The following SOS2 variants were observed in gnomAD, a reference collection of about 807,000 sequenced individuals.
SOS2 encodes SOS Ras/Rho guanine nucleotide exchange factor 2.
In SOS2, 65 loss-of-function variants were observed where a neutral mutation model predicts 148.2. The observed-to-expected ratio is 0.44, with a 90% CI of 0.36 to 0.54. The LOEUF (loss-of-function observed/expected upper bound fraction) is 0.54, where lower values mean the gene tolerates loss of function less well. Among genes scored for constraint, SOS2 ranks in the 20% least tolerant of loss-of-function variants. The pLI, the probability that SOS2 is intolerant of heterozygous loss-of-function variation, is 0.00. For missense variants in SOS2, 1,341 were observed against 1,590.2 expected (o/e 0.84, Z 2.67); for synonymous variants, 539 against 537.1 (o/e 1.00, Z -0.05).
chr14:50,118,243 T>A lies in SOS2; in HGVS notation c.*101A>T. 1.0e-6 allele frequency: 1 copy of A among 983,206 alleles called. No homozygotes were observed. Among genetic ancestry groups the A allele is most frequent in the African/African-American group, 1.7e-5 (1 of 60,408 alleles). 60.9% of individuals were successfully genotyped at this position (983,206 alleles called of 1,614,324 possible). On this transcript the variant is annotated 3_prime_UTR_variant, in exon 23 of 23. Transcript: ENST00000216373. ...ATCAGTAGCATTTTTGTAAGAGCAT[T>A]ATTTGTAAAAAGTACTAAAATACTA...
At chr14:50,165,925 G>C (rs117260286) in intron 8 of SOS2, among the ~76,000 whole-genome samples, 1 of 152,302 alleles carries the variant, frequency 6.6e-6, no homozygotes, top group South Asian at 2.1e-4. Flanking sequence ...ATAAATAGGA[G>C]AGTTTATATC....
At chr14:50,186,703 T>C (rs1315129897) in intron 5 of SOS2, among the ~76,000 whole-genome samples, 2 of 152,034 alleles carry the variant, frequency 1.3e-5, no homozygotes, top group Non-Finnish European at 2.9e-5. Context: ...AGGATTGTTA[T>C]AAGGGTCAAA....
chr14:50,126,028 C>T (rs1222151297), intron 21 of SOS2, among the ~76,000 whole-genome samples: 1 of 152,160 alleles, frequency 6.6e-6, no homozygotes, highest in Non-Finnish European at 1.5e-5. Context: ...TTCCATCACT[C>T]TACAGTGAAA....
chr14:50,189,187 T>C (rs1886033186), intron 4 of SOS2, among the ~76,000 whole-genome samples: 1 of 149,704 alleles, frequency 6.7e-6, no homozygotes, highest in Non-Finnish European at 1.5e-5. Context: ...AAAAAAGTTG[T>C]TGAAGGTGGG....
At position 50,118,621 on chromosome 14, in the gene SOS2, T is replaced by C. The variant is rs1471245340; in HGVS notation, c.3722A>G (p.His1241Arg). 5 of 1,614,132 alleles carry C rather than the reference T, an allele frequency of 3.1e-6. No homozygotes were observed. In the Admixed American group the frequency reaches 6.7e-5, roughly 22 times the overall value. ...PFNLQPPPLG[H>R]LHRDSDWLRD... is the part of the protein sequence containing the mutation. ...GAGCCAGTCTGAATCTCTGTGAAGA[T>C]GCCCCAGTGGAGGTGGCTGAAGATT... Residue 1241 changes from histidine to arginine, a missense_variant, in exon 23 of 23, where the codon CAT becomes CGT. Physicochemically the swap from His to Arg is conservative, Grantham distance 29. Transcript: ENST00000216373.
At chr14:50,216,933 T>G (rs1225555733) in intron 1 of SOS2, among the ~76,000 whole-genome samples, 2 of 152,190 alleles carry the variant, frequency 1.3e-5, no homozygotes, top group Non-Finnish European at 2.9e-5. Flanking sequence ...TCCAGCAAGC[T>G]TTTTTGTAGA....
intron 1 of SOS2, among the ~76,000 whole-genome samples, chr14:50,215,907 C>T (rs1396148429): frequency 6.6e-6 from 1 of 152,102 alleles, no homozygotes; most frequent in African/African-American, 2.4e-5. Flanking sequence ...TGCTAATGCA[C>T]TTGTTCAGTA....
intron 1 of SOS2, among the ~76,000 whole-genome samples, chr14:50,210,065 T>G (rs1343109070): frequency 6.6e-6 from 1 of 152,254 alleles, no homozygotes; most frequent in Non-Finnish European, 1.5e-5. Context: ...ATCAGTCATA[T>G]ATTCTTTTTT....
At chr14:50,155,255 A>G (rs965064902) in intron 12 of SOS2, among the ~76,000 whole-genome samples, 1 of 36,260 alleles carries the variant, frequency 2.8e-5, no homozygotes, top group African/African-American at 9.7e-5. Flanking sequence ...CAATATTTAT[A>G]TAAACAGGTT....
intron 1 of SOS2, among the ~76,000 whole-genome samples, chr14:50,204,805 T>C (rs1886607757): frequency 6.6e-6 from 1 of 152,150 alleles, no homozygotes; most frequent in Non-Finnish European, 1.5e-5. Context: ...TTACAAATTA[T>C]AGAGGTGCTC....
chr14:50,170,532 A>G (rs1183466311), intron 8 of SOS2, among the ~76,000 whole-genome samples: 1 of 151,898 alleles, frequency 6.6e-6, no homozygotes, highest in African/African-American at 2.4e-5. Context: ...CAAAAAATTT[A>G]AAAATTAGCT....
chr14:50,146,155 A>AG (rs934170506), intron 14 of SOS2, among the ~76,000 whole-genome samples: 24 of 151,032 alleles, frequency 1.6e-4, no homozygotes, highest in African/African-American at 3.7e-4. Flanking sequence ...AAAAAAAAAA[A>AG]GAAACGAAAA....
At chr14:50,145,086 A>T in intron 16 of SOS2, 84 bp downstream of exon 16, 1 of 686,882 alleles carries the variant, frequency 1.5e-6, no homozygotes, top group Non-Finnish European at 2.2e-6. Flanking sequence ...GAATTTAATT[A>T]AAAAGACAGA....
chr14:50,130,179 T>C (rs1879699939), intron 20 of SOS2, among the ~76,000 whole-genome samples, 177 bp from the exon 21 acceptor site: 1 of 152,220 alleles, frequency 6.6e-6, no homozygotes, highest in African/African-American at 2.4e-5. Flanking sequence ...TTTTCCTTCT[T>C]AGCATTAAGT....
At chr14:50,154,416 T>G (rs989801053) in intron 12 of SOS2, among the ~76,000 whole-genome samples, 1 of 152,188 alleles carries the variant, frequency 6.6e-6, no homozygotes, top group Non-Finnish European at 1.5e-5. Context: ...TTTTGGAAGT[T>G]TTGGCAGTTT....
intron 21 of SOS2, among the ~76,000 whole-genome samples, chr14:50,128,278 AG>A (rs1217621070): frequency 6.6e-6 from 1 of 152,192 alleles, no homozygotes; most frequent in Non-Finnish European, 1.5e-5. Context: ...GGCACCAGGA[AG>A]GAAGATTCTA....
At chr14:50,129,876 C>T in intron 21 of SOS2, 85 bp downstream of exon 21, 1 of 822,354 alleles carries the variant, frequency 1.2e-6, no homozygotes, top group South Asian at 1.7e-5. Flanking sequence ...TTTAATATTG[C>T]CAAAACTCAA....
Position 50,118,409 on chromosome 14 carries a change from G to C in SOS2, c.3934C>G (p.Arg1312Gly), listed in dbSNP as rs775973831. The change falls in exon 23 of 23, where the codon CGG becomes GGG. Residue 1312 changes from arginine to glycine, a missense_variant. Coordinates refer to ENST00000216373, the MANE Select transcript of SOS2 (RefSeq NM_006939.4). ...TACAATGGGGGGTGCGAAAGCTCCC[G>C]TTTGTAAGTCTTTGGTGGCAGTTTT... ...LPKLPPKTYK[R>G]ELSHPPLYRL... 1.2e-6 allele frequency: 2 copies of C among 1,613,950 alleles called. No homozygotes were observed. Among genetic ancestry groups the C allele is most frequent in the Non-Finnish European group, 1.7e-6 (2 of 1,179,956 alleles).
intron 16 of SOS2, among the ~76,000 whole-genome samples, chr14:50,141,590 CA>C (rs1037799594): frequency 6.6e-6 from 1 of 150,584 alleles, no homozygotes; most frequent in Non-Finnish European, 1.5e-5. Context: ...TCTGTCAAAA[CA>C]AAAAAAACCC....
Sources: allele counts gnomAD v4.1 joint callset (sites outside exome capture counted in the v4.1 genomes callset), GRCh38; gene constraint gnomAD v4.1.1; transcripts MANE v1.5; gene names NCBI Gene and HGNC (gene_info 2026-07-23, HGNC 2026-07-21).